The following MACROD2 variants were observed in gnomAD, a reference collection of about 807,000 sequenced individuals.
MACROD2 encodes the protein ADP-ribose glycohydrolase MACROD2.
Under a neutral mutation model 70.4 loss-of-function variants are expected in MACROD2, and 36 were observed. That is an observed-to-expected ratio of 0.51 (90% CI 0.39 to 0.68). The LOEUF is 0.68. Ranked by LOEUF, MACROD2 falls within the 30% of genes least tolerant of loss-of-function variation. MACROD2 has a pLI of 0.00. For missense variants in MACROD2, 496 were observed against 538.4 expected, an observed-to-expected ratio of 0.92 and a Z score of 0.78; for synonymous variants, 172 against 178.8, an observed-to-expected ratio of 0.96 and a Z score of 0.30.
intron 7 of MACROD2, among the ~76,000 whole-genome samples, chr20:15,457,834 G>A (rs917833970): frequency 6.6e-6 from 1 of 151,582 alleles, no homozygotes; most frequent in African/African-American, 2.4e-5. Flanking sequence ...ACTGGGACTT[G>A]CATCTTATCT....
chr20:15,584,791 A>G (rs2048574593), intron 8 of MACROD2, among the ~76,000 whole-genome samples: 1 of 152,142 alleles, frequency 6.6e-6, no homozygotes, highest in African/African-American at 2.4e-5. Flanking sequence ...TGCTTGTAAA[A>G]TCATGACGTT....
At chr20:14,493,329 C>A in intron 3 of MACROD2, 150 bp from the exon 4 acceptor site, 2 of 474,254 alleles carry the variant, frequency 4.2e-6, no homozygotes, top group Non-Finnish European at 7.5e-6. Flanking sequence ...AATAGTAATA[C>A]AGGCTGTCTT....
intron 5 of MACROD2, among the ~76,000 whole-genome samples, chr20:15,182,583 G>T (rs1426457002): frequency 6.6e-6 from 1 of 152,074 alleles, no homozygotes; most frequent in Non-Finnish European, 1.5e-5. Context: ...ATCTTTTCTG[G>T]CACTCAGAGC....
rs568498927 is a variant in MACROD2 at position 15,871,664 on chromosome 20, G to T, written c.727+8838G>T. Among the ~76,000 whole-genome samples the T allele has an allele frequency of 5.3e-5, 8 of 152,288 alleles. No individual in the cohort carries two copies. The East Asian group carries it at 1.5e-3, about 29-fold the overall frequency. ...TCATGAAGAATGTGGCACTTTCAGTGATCTTTAAAGAATGAACAAGGGTAG... is the reference window on the plus strand; with the variant it reads ...TCATGAAGAATGTGGCACTTTCAGTTATCTTTAAAGAATGAACAAGGGTAG... On this transcript the variant is annotated intron_variant, in intron 9 of 17. Coordinates refer to ENST00000684519, the MANE Select transcript of MACROD2 (RefSeq NM_001351661.2).
intron 8 of MACROD2, 126 bp downstream of exon 8, chr20:15,499,973 C>A: frequency 2.5e-6 from 2 of 791,906 alleles, no homozygotes; most frequent in South Asian, 1.7e-5. Context: ...ACCTAGCTGA[C>A]CATTCTTCAC....
At chr20:15,181,482 A>C (rs2076500147) in intron 5 of MACROD2, among the ~76,000 whole-genome samples, 1 of 152,250 alleles carries the variant, frequency 6.6e-6, no homozygotes, top group South Asian at 2.1e-4. Context: ...AAAGGCCAAC[A>C]GCAGTGTGTT....
At chr20:15,663,357 C>T (rs1413055557) in intron 8 of MACROD2, among the ~76,000 whole-genome samples, 1 of 151,354 alleles carries the variant, frequency 6.6e-6, no homozygotes, top group Non-Finnish European at 1.5e-5. Context: ...GCCTCAGCCT[C>T]CTGAGTAGCT....
At chr20:14,831,506 C>T (rs997152303) in intron 5 of MACROD2, among the ~76,000 whole-genome samples, 1 of 151,878 alleles carries the variant, frequency 6.6e-6, no homozygotes, top group Admixed American at 6.6e-5. Flanking sequence ...CAGCCGGGTG[C>T]TGTGGCTCAG....
At chr20:15,471,726 CCTT>C (rs1374679801) in intron 7 of MACROD2, among the ~76,000 whole-genome samples, 3 of 152,146 alleles carry the variant, frequency 2.0e-5, no homozygotes, top group Non-Finnish European at 4.4e-5. Context: ...ATTTCCTTCT[CCTT>C]CTTTTCTGTC....
intron 5 of MACROD2, among the ~76,000 whole-genome samples, chr20:14,991,309 T>TA (rs1441466714): frequency 1.3e-5 from 2 of 152,036 alleles, no homozygotes; most frequent in Non-Finnish European, 2.9e-5. Context: ...ATTTTTTTTT[T>TA]AAAGAATTGA....
intron 4 of MACROD2, among the ~76,000 whole-genome samples, chr20:14,675,813 G>A (rs1841413282): frequency 6.6e-6 from 1 of 152,072 alleles, no homozygotes; most frequent in South Asian, 2.1e-4. Context: ...CATCTCATGT[G>A]CAAAGACACA....
chr20:15,132,627 T>C (rs1480170104), intron 5 of MACROD2, among the ~76,000 whole-genome samples: 2 of 151,586 alleles, frequency 1.3e-5, no homozygotes, highest in Non-Finnish European at 2.9e-5. Flanking sequence ...TCCAATCACT[T>C]AAAAAAAACT....
At chr20:14,836,283 T>C (rs934397939) in intron 5 of MACROD2, among the ~76,000 whole-genome samples, 14 of 152,068 alleles carry the variant, frequency 9.2e-5, no homozygotes, top group African/African-American at 3.4e-4. Context: ...TTTCCCAAAA[T>C]CATTTGATCT....
chr20:14,444,666 A>G (rs1325085628), intron 3 of MACROD2, among the ~76,000 whole-genome samples: 1 of 151,822 alleles, frequency 6.6e-6, no homozygotes, highest in Non-Finnish European at 1.5e-5. Context: ...CCAACTGCCT[A>G]TTTTTTATCT....
intron 8 of MACROD2, among the ~76,000 whole-genome samples, chr20:15,526,883 A>C (rs1418239724): frequency 6.6e-6 from 1 of 152,198 alleles, no homozygotes; most frequent in Non-Finnish European, 1.5e-5. Flanking sequence ...AAAGATGTGC[A>C]GTCCCCAAAT....
chr20:14,033,898 C>T (rs1230185166), intron 2 of MACROD2, among the ~76,000 whole-genome samples: 2 of 152,112 alleles, frequency 1.3e-5, no homozygotes, highest in East Asian at 3.8e-4. Flanking sequence ...CTTTTTTCCA[C>T]TTTGTAATGT....
chr20:14,778,935 G>C (rs1377960249), intron 5 of MACROD2, among the ~76,000 whole-genome samples: 1 of 152,054 alleles, frequency 6.6e-6, no homozygotes, highest in African/African-American at 2.4e-5. Context: ...GTAAGAGCTA[G>C]AATAAAAATC....
At chr20:15,402,513 T>C (rs894784042) in intron 6 of MACROD2, among the ~76,000 whole-genome samples, 1 of 152,224 alleles carries the variant, frequency 6.6e-6, no homozygotes, top group African/African-American at 2.4e-5. Flanking sequence ...GATGGCTGAA[T>C]ATGAAATCTT....
intron 5 of MACROD2, among the ~76,000 whole-genome samples, chr20:14,763,189 A>T (rs2072039922): frequency 6.7e-6 from 1 of 150,114 alleles, no homozygotes. Flanking sequence ...TATTTTCAAA[A>T]CTCCTTCTAA....
Sources: allele counts gnomAD v4.1 joint callset (sites outside exome capture counted in the v4.1 genomes callset), GRCh38; gene constraint gnomAD v4.1.1; transcripts MANE v1.5; gene names NCBI Gene and HGNC (gene_info 2026-07-23, HGNC 2026-07-21).